Variants in TRPC4 observed in about 807,000 individuals in gnomAD.
The protein encoded by TRPC4 is transient receptor potential cation channel subfamily C member 4, also known as short transient receptor potential channel 4.
TRPC4 carries 49 observed loss-of-function variants against 99.4 expected under a neutral mutation model. That is an observed-to-expected ratio of 0.49 (90% CI 0.39 to 0.63). The LOEUF (loss-of-function observed/expected upper bound fraction) is 0.63, where lower values mean the gene tolerates loss of function less well. Among genes scored for constraint, TRPC4 ranks in the 20% least tolerant of loss-of-function variants. TRPC4 has a pLI of 0.00. For synonymous variants in TRPC4, 454 were observed against 425.9 expected, an observed-to-expected ratio of 1.07 and a Z score of -0.81; for missense variants, 898 against 1,152.9, an observed-to-expected ratio of 0.78 and a Z score of 3.20.
At chr13:37,665,812 C>G (rs1053389546) in intron 5 of TRPC4, among the ~76,000 whole-genome samples, 9 of 148,058 alleles carry the variant, frequency 6.1e-5, no homozygotes, top group African/African-American at 1.8e-4. Context: ...TGAAAAGAGC[C>G]CTTCTTGGTA....
In TRPC4 at chr13:37,650,611, A is replaced by C. The variant is rs9548001; in HGVS notation, c.2079+654T>G. Among the ~76,000 whole-genome samples, 10 of 44,362 alleles carry C rather than the reference A, an allele frequency of 2.3e-4. No individual in the cohort carries two copies. The South Asian group carries it at 5.4e-3, about 24-fold the overall frequency. The allele number at this position is 44,362 out of a possible 152,430, so 29.1% of individuals were successfully genotyped here. ...TCTCTGTCTCTCTCTCTCTCTCTCTATACACACACACACACACACACACAT... is the reference window on the plus strand; with the variant it reads ...TCTCTGTCTCTCTCTCTCTCTCTCTCTACACACACACACACACACACACAT... On this transcript the variant is annotated intron_variant, in intron 8 of 10. Transcript: ENST00000379705.
At chr13:37,854,147 T>A (rs1959126617) in intron 1 of TRPC4, among the ~76,000 whole-genome samples, 1 of 151,958 alleles carries the variant, frequency 6.6e-6, no homozygotes, top group African/African-American at 2.4e-5. Flanking sequence ...TTCCCAAAGG[T>A]CAAGGATAAA....
chr13:37,692,302 C>A lies in TRPC4; in HGVS notation c.931G>T (p.Ala311Ser), dbSNP rs780518092. 1.2e-6 allele frequency: 2 copies of A among 1,613,862 alleles called. No homozygotes were observed. Among genetic ancestry groups the A allele is most frequent in the South Asian group, 1.1e-5 (1 of 91,048 alleles). Reference sequence around the variant, plus strand: ...GGAAACTCATCGTACCAGCGAGATGCCAGCAGCTGTTGACAATTGGGCTGG... The same window carrying A: ...GGAAACTCATCGTACCAGCGAGATGACAGCAGCTGTTGACAATTGGGCTGG... Reference protein sequence around the residue: ...VAQPNCQQLLASRWYDEFPGW... With the variant: ...VAQPNCQQLLSSRWYDEFPGW... The change falls in exon 4 of 11, where the codon GCA (alanine) becomes TCA (serine). Residue 311 changes from alanine to serine, a missense_variant. Ala to Ser is a moderately conservative substitution (Grantham distance 99). Around this residue, in one of 3 missense-constraint regions of TRPC4, gnomAD observed 274 missense variants for 454.9 expected, o/e 0.60. Transcript: ENST00000379705.
chr13:37,673,164 C>T (rs1378010817), intron 5 of TRPC4, among the ~76,000 whole-genome samples: 1 of 143,288 alleles, frequency 7.0e-6, no homozygotes, highest in East Asian at 2.1e-4. Flanking sequence ...TCTCATTGTT[C>T]AATTCCCACC....
intron 1 of TRPC4, among the ~76,000 whole-genome samples, chr13:37,811,565 G>A (rs1326840150): frequency 6.6e-6 from 1 of 152,098 alleles, no homozygotes; most frequent in Non-Finnish European, 1.5e-5. Context: ...GTACCAGAGA[G>A]GAGAGAAGTG....
intron 6 of TRPC4, among the ~76,000 whole-genome samples, chr13:37,662,767 G>C (rs1335186997): frequency 6.6e-6 from 1 of 152,210 alleles, no homozygotes; most frequent in Admixed American, 6.5e-5. Context: ...TATGAGAGCT[G>C]TGTGACCATC....
rs143591893 is a variant in TRPC4 at position 37,706,198 on chromosome 13, C to T, written c.898-13863G>A. Among the ~76,000 whole-genome samples, 543 of 152,250 alleles carry T rather than the reference C, an allele frequency of 3.6e-3. 3 individuals are homozygous for T. Among genetic ancestry groups the T allele is most frequent in the African/African-American group, 0.012 (503 of 41,562 alleles). ...TGGCTATTTACTCAATTGGATTAAC[C>T]GCTGAACATAGCAGAAGGCTTATGG... On this transcript the variant is annotated intron_variant, in intron 3 of 10. Coordinates refer to ENST00000379705, the MANE Select transcript of TRPC4 (RefSeq NM_016179.4).
intron 1 of TRPC4, among the ~76,000 whole-genome samples, chr13:37,823,383 T>G (rs923841510): frequency 3.3e-5 from 5 of 149,448 alleles, no homozygotes; most frequent in African/African-American, 1.2e-4. Flanking sequence ...TAGGTTTTCT[T>G]CTAGGGTTTT....
At chr13:37,820,358 C>A (rs1164995613) in intron 1 of TRPC4, among the ~76,000 whole-genome samples, 1 of 151,848 alleles carries the variant, frequency 6.6e-6, no homozygotes, top group Non-Finnish European at 1.5e-5. Context: ...GAAATTCTAC[C>A]AGAGATATAA....
chr13:37,747,062 G>T (rs1037750554), intron 2 of TRPC4, among the ~76,000 whole-genome samples: 6 of 152,120 alleles, frequency 3.9e-5, no homozygotes, highest in Admixed American at 3.9e-4. Flanking sequence ...ATGACAAGAG[G>T]TGCTCCATAA....
chr13:37,723,326 A>G (rs916434669), intron 3 of TRPC4, among the ~76,000 whole-genome samples: 6 of 152,212 alleles, frequency 3.9e-5, no homozygotes, highest in African/African-American at 1.4e-4. Context: ...TCTACAAAAC[A>G]ATGAGAATAA....
chr13:37,765,685 C>T (rs1956344780), intron 2 of TRPC4, among the ~76,000 whole-genome samples: 1 of 151,252 alleles, frequency 6.6e-6, no homozygotes, highest in Non-Finnish European at 1.5e-5. Flanking sequence ...CTAAACATTG[C>T]TAAATTGCTT....
intron 1 of TRPC4, among the ~76,000 whole-genome samples, chr13:37,837,748 G>T (rs759662225): frequency 1.3e-5 from 2 of 152,122 alleles, no homozygotes; most frequent in African/African-American, 4.8e-5. Flanking sequence ...AGATTTTGGG[G>T]GACTGTTGGG....
intron 7 of TRPC4, among the ~76,000 whole-genome samples, chr13:37,653,637 T>C (rs1374543650): frequency 1.3e-5 from 2 of 152,126 alleles, no homozygotes; most frequent in Non-Finnish European, 2.9e-5. Flanking sequence ...TAAGTCTAAA[T>C]AGAGAGTTGA....
chr13:37,662,471 T>C (rs890772385), intron 6 of TRPC4, among the ~76,000 whole-genome samples: 1 of 152,184 alleles, frequency 6.6e-6, no homozygotes, highest in Non-Finnish European at 1.5e-5. Flanking sequence ...ATAAAACAGA[T>C]GTAGAATTAG....
chr13:37,728,551 A>C (rs1377709957), intron 3 of TRPC4, among the ~76,000 whole-genome samples: 1 of 152,086 alleles, frequency 6.6e-6, no homozygotes, highest in Non-Finnish European at 1.5e-5. Context: ...ATAAATTGAA[A>C]GATGTCCCAC....
chr13:37,656,574 T>C (rs1259599478), intron 6 of TRPC4, among the ~76,000 whole-genome samples: 2 of 152,138 alleles, frequency 1.3e-5, no homozygotes, highest in African/African-American at 2.4e-5. Flanking sequence ...AGAAAATTCA[T>C]ATAAGGCCAG....
intron 2 of TRPC4, among the ~76,000 whole-genome samples, chr13:37,775,269 T>C (rs1956665341): frequency 1.3e-5 from 2 of 151,944 alleles, no homozygotes; most frequent in African/African-American, 4.8e-5. Flanking sequence ...GGTAAGAATA[T>C]AATCACTTTC....
At chr13:37,828,952 C>T (rs906306440) in intron 1 of TRPC4, among the ~76,000 whole-genome samples, 1 of 152,028 alleles carries the variant, frequency 6.6e-6, no homozygotes, top group African/African-American at 2.4e-5. Context: ...TGCACATGTA[C>T]CCCTGAAACT....
Sources: allele counts gnomAD v4.1 joint callset (sites outside exome capture counted in the v4.1 genomes callset), GRCh38; gene constraint gnomAD v4.1.1; regional missense constraint gnomAD v4.1.1; transcripts MANE v1.5; gene names NCBI Gene and HGNC (gene_info 2026-07-23, HGNC 2026-07-21).